The following DEAF1 variants were observed in gnomAD, a reference collection of about 807,000 sequenced individuals.
The protein encoded by DEAF1 is DEAF1 transcription factor.
A neutral mutation model predicts 58.9 loss-of-function variants in DEAF1; 53 were observed. The observed-to-expected ratio is 0.90, with a 90% CI of 0.72 to 1.13. DEAF1 has a LOEUF of 1.13. DEAF1 is among the 50% of genes most tolerant of loss of function. The pLI is 0.00. For synonymous variants in DEAF1, 385 were observed against 340.4 expected (o/e 1.13, Z -1.44); for missense variants, 685 against 791.4 (o/e 0.87, Z 1.61).
intron 11 of DEAF1, among the ~76,000 whole-genome samples, chr11:650,232 A>C (rs909979118): frequency 2.0e-5 from 3 of 150,398 alleles, no homozygotes; most frequent in Non-Finnish European, 4.4e-5. Context: ...AAATTAGCTG[A>C]GTGTGGTGGC....
At chr11:696,541 A>T (rs1048670876), upstream of DEAF1, among the ~76,000 whole-genome samples, 4 of 152,096 alleles carry the variant, frequency 2.6e-5, no homozygotes, top group Non-Finnish European at 4.4e-5. Context: ...CAGTTTGGGA[A>T]GCCGAGGCTG....
At chr11:651,719 T>C (rs1858781002) in intron 11 of DEAF1, among the ~76,000 whole-genome samples, 1 of 152,112 alleles carries the variant, frequency 6.6e-6, no homozygotes, top group Non-Finnish European at 1.5e-5. Context: ...ACCCTGTCTC[T>C]ACTAAAAATA....
intron 1 of DEAF1, chr11:700,263 A>T: frequency 6.3e-7 from 1 of 1,595,028 alleles, no homozygotes; most frequent in Non-Finnish European, 8.6e-7. Context: ...ACAGTGGCTC[A>T]CGCCTGTAAT....
At chr11:652,646 TAG>T (rs1425031488) in intron 11 of DEAF1, among the ~76,000 whole-genome samples, 1 of 148,548 alleles carries the variant, frequency 6.7e-6, no homozygotes, top group Non-Finnish European at 1.5e-5. Flanking sequence ...AAAAAGAAAA[TAG>T]AGAAGGAGGG....
chr11:654,155 A>G, intron 10 of DEAF1, 104 bp from the exon 11 acceptor site: 2 of 687,202 alleles, frequency 2.9e-6, no homozygotes, highest in Admixed American at 2.7e-5. Flanking sequence ...AGTTCCCCCC[A>G]TTGGACCCCC....
rs992011613 is a variant in DEAF1, at chr11:677,538, G to C, written c.1255+1156C>G. Among the ~76,000 whole-genome samples the C allele has an allele frequency of 2.8e-5, 3 of 107,074 alleles. 1 individual carries two copies. Among genetic ancestry groups the C allele is most frequent in the Non-Finnish European group, 6.5e-5 (3 of 45,824 alleles). The allele number at this position is 107,074 out of a possible 152,430, so 70.2% of individuals were successfully genotyped here. ...TGAAACAAGCAAATGAAAATGAAAA[G>C]GTAAGTTTTTCATGAACAAGTTTCT... On this transcript the variant is annotated intron_variant, in intron 9 of 11. Transcript: ENST00000382409.
chr11:662,098 ACCAG>A, intron 10 of DEAF1, among the ~76,000 whole-genome samples: 1 of 152,192 alleles, frequency 6.6e-6, no homozygotes, highest in East Asian at 1.9e-4. Context: ...GGAGTTCAAG[ACCAG>A]CCTGGCCAAC....
chr11:674,878 C>CCCGTAA, intron 9 of DEAF1, 95 bp from the exon 10 acceptor site: 1 of 1,547,332 alleles, frequency 6.5e-7, no homozygotes, highest in Non-Finnish European at 8.8e-7. Context: ...GGCGCGGTGG[C>CCCGTAA]TCACGCCTGT....
intron 10 of DEAF1, among the ~76,000 whole-genome samples, chr11:671,729 AT>A (rs1476994648): frequency 1.3e-5 from 2 of 151,194 alleles, no homozygotes; most frequent in Non-Finnish European, 2.9e-5. Flanking sequence ...AAATAAAAAA[AT>A]AAATTAGGCA....
At chr11:660,459 G>A (rs1406219964) in intron 10 of DEAF1, among the ~76,000 whole-genome samples, 5 of 152,322 alleles carry the variant, frequency 3.3e-5, no homozygotes, top group South Asian at 4.1e-4. Context: ...CTGCCCCGCC[G>A]GCGCCGCCTC....
intron 7 of DEAF1, 120 bp from the exon 8 acceptor site, chr11:679,936 A>G (rs1306349991): frequency 2.2e-6 from 3 of 1,373,934 alleles, no homozygotes; most frequent in East Asian, 4.9e-5. Flanking sequence ...GGCAGTGGTA[A>G]CTGTACCCTC....
chr11:650,024 A>AAAAC (rs1467417938), intron 11 of DEAF1, among the ~76,000 whole-genome samples: 1 of 39,130 alleles, frequency 2.6e-5, no homozygotes, highest in Non-Finnish European at 7.7e-5. Flanking sequence ...GATTGTCTAA[A>AAAAC]AAACAAAAAC....
intron 11 of DEAF1, chr11:651,551 A>C (rs1408960892): frequency 5.1e-6 from 1 of 195,920 alleles, no homozygotes; most frequent in Non-Finnish European, 1.0e-5. Flanking sequence ...ACAGAGACCC[A>C]AAATAAATGA....
Position 694,964 on chromosome 11 carries a change from C to T in DEAF1, c.84G>A (p.Ala28=). ...AVAAAAAVAA[A]AAAAAGGEAE... is the part of the protein sequence containing the mutation. ...CCTCGCCTCCTGCCGCGGCCGCGGCCGCCGCCGCCACAGCGGCCGCGGCCG... is the reference window on the plus strand; with the variant it reads ...CCTCGCCTCCTGCCGCGGCCGCGGCTGCCGCCGCCACAGCGGCCGCGGCCG... Residue 28 remains alanine (A), a synonymous_variant, in exon 1 of 12, where the codon GCG becomes GCA. Transcript: ENST00000382409. 2 of 1,164,242 alleles carry T rather than the reference C, an allele frequency of 1.7e-6. No individual in the cohort carries two copies. The highest frequency in any genetic ancestry group is 2.1e-6 in the Non-Finnish European group (2 of 945,086). The allele number at this position is 1,164,242 out of a possible 1,614,324, so 72.1% of individuals were successfully genotyped here. A position where few individuals can be genotyped will look rare whatever the true frequency, so the allele number is the denominator to read the frequency against.
intron 5 of DEAF1, among the ~76,000 whole-genome samples, chr11:686,004 C>T (rs978127535): frequency 1.6e-4 from 24 of 151,244 alleles, no homozygotes; most frequent in African/African-American, 5.6e-4. Flanking sequence ...AAAAATAGGC[C>T]GGGTATTGTG....
chr11:680,737 G>C (rs952753252), intron 7 of DEAF1, among the ~76,000 whole-genome samples: 4 of 152,248 alleles, frequency 2.6e-5, no homozygotes, highest in Non-Finnish European at 5.9e-5. Flanking sequence ...CCAGGACAAG[G>C]CCAACAGTGT....
chr11:674,238 G>A (rs1329641146), intron 10 of DEAF1: 6 of 413,246 alleles, frequency 1.5e-5, no homozygotes, highest in South Asian at 1.3e-4. Context: ...GGAAGACAAA[G>A]GATGAATAAT....
At chr11:660,166 G>A (rs1481551094) in intron 10 of DEAF1, among the ~76,000 whole-genome samples, 4 of 152,210 alleles carry the variant, frequency 2.6e-5, no homozygotes, top group East Asian at 1.9e-4. Flanking sequence ...AGGAAGCAAC[G>A]GAAATAAGAG....
At chr11:699,114 G>A (rs767300347), upstream of DEAF1, 143 of 528,668 alleles carry the variant, frequency 2.7e-4, no homozygotes, top group Non-Finnish European at 3.9e-4. Context: ...GGCTAAGCAC[G>A]CCACACTGCC....
Sources: allele counts gnomAD v4.1 joint callset (sites outside exome capture counted in the v4.1 genomes callset), GRCh38; gene constraint gnomAD v4.1.1; transcripts MANE v1.5; gene names NCBI Gene and HGNC (gene_info 2026-07-23, HGNC 2026-07-21).